RASA3: variants seen among roughly 807,000 people sequenced by gnomAD.
The protein encoded by RASA3 is RAS p21 protein activator 3, also known as ras GTPase-activating protein 3.
A neutral mutation model predicts 110.0 loss-of-function variants in RASA3; 73 were observed. That is an observed-to-expected ratio of 0.66 (90% CI 0.55 to 0.81). The LOEUF (loss-of-function observed/expected upper bound fraction) is 0.81. Among genes scored for constraint, RASA3 ranks in the 30% least tolerant of loss-of-function variants. RASA3 has a pLI of 0.00. For missense variants in RASA3, 976 were observed against 1,113.2 expected (o/e 0.88, Z 1.75); for synonymous variants, 500 against 451.4 (o/e 1.11, Z -1.37).
chr13:114,107,289 C>T (rs1289623313), intron 1 of RASA3, among the ~76,000 whole-genome samples: 2 of 132,304 alleles, frequency 1.5e-5, no homozygotes, highest in Admixed American at 7.5e-5. Flanking sequence ...GTCCCTCCTT[C>T]GTATCCTGAC....
chr13:113,997,201 A>ATTC, intron 20 of RASA3, among the ~76,000 whole-genome samples: 1 of 151,990 alleles, frequency 6.6e-6, no homozygotes, highest in Non-Finnish European at 1.5e-5. Context: ...CCAGCCCAGG[A>ATTC]TTCTTCCTCC....
chr13:114,045,659 G>A (rs2079042021), intron 3 of RASA3, among the ~76,000 whole-genome samples: 1 of 152,230 alleles, frequency 6.6e-6, no homozygotes, highest in Non-Finnish European at 1.5e-5. Flanking sequence ...AAAGCTAATA[G>A]AACTAATTGG....
chr13:114,016,618 C>T (rs1476556152), intron 12 of RASA3, among the ~76,000 whole-genome samples: 1 of 152,214 alleles, frequency 6.6e-6, no homozygotes, highest in Non-Finnish European at 1.5e-5. Context: ...GCGATGTGCG[C>T]CCGCGATCAG....
rs542725957 is a variant in RASA3, at chr13:113,983,980, G to GA, written c.2246-2123dup. 5.0e-5 allele frequency among the ~76,000 whole-genome samples: 5 copies of GA among 99,720 alleles called. 1 individual carries two copies. Among genetic ancestry groups the GA allele is most frequent in the African/African-American group, 1.6e-4 (5 of 31,930 alleles). The allele number at this position is 99,720 out of a possible 152,430, so 65.4% of individuals were successfully genotyped here. On this transcript the variant is annotated intron_variant, in intron 22 of 23. Transcript: ENST00000334062. ...TAAAAAATAAAACTGGCAATAACTA[G>GA]AAAAAAAATCGCAATAAGGAATCTG... is the stretch of plus-strand genomic sequence containing the variant.
intron 3 of RASA3, among the ~76,000 whole-genome samples, chr13:114,049,481 GAACT>G (rs1486202510): frequency 3.5e-4 from 53 of 152,134 alleles, no homozygotes; most frequent in Non-Finnish European, 1.0e-4. Context: ...TATAACTCCA[GAACT>G]AACTTGATCA....
At chr13:114,027,711 G>T in intron 6 of RASA3, 136 bp downstream of exon 6, 2 of 972,896 alleles carry the variant, frequency 2.1e-6, no homozygotes, top group Non-Finnish European at 3.2e-6. Flanking sequence ...GAAAACAAAA[G>T]GAAGTAAAAA....
chr13:114,100,264 C>T (rs962315024), intron 1 of RASA3, among the ~76,000 whole-genome samples: 2 of 151,986 alleles, frequency 1.3e-5, no homozygotes, highest in South Asian at 2.1e-4. Flanking sequence ...CCAGCACCAG[C>T]GGCTGCCCCT....
chr13:114,069,073 G>A (rs2079507657), intron 2 of RASA3, among the ~76,000 whole-genome samples: 1 of 152,236 alleles, frequency 6.6e-6, no homozygotes, highest in Non-Finnish European at 1.5e-5. Flanking sequence ...ACGCAGGGAG[G>A]AGGCGTGGGG....
In RASA3 at chr13:114,098,920, C is replaced by T. The variant is rs562238397; in HGVS notation, c.56-25083G>A. On this transcript the variant is annotated intron_variant, in intron 1 of 23. Coordinates refer to ENST00000334062, the MANE Select transcript of RASA3 (RefSeq NM_007368.4). ...GGCCCCGCAGGCCAGAAGGCAGCAACGCCCACTGATGCCGGACCACAGCAG... is the reference window on the plus strand; with the variant it reads ...GGCCCCGCAGGCCAGAAGGCAGCAATGCCCACTGATGCCGGACCACAGCAG... 4.9e-4 allele frequency among the ~76,000 whole-genome samples: 75 copies of T among 152,222 alleles called. No homozygotes were observed. In the South Asian group the frequency reaches 9.5e-3, roughly 19 times the overall value.
In RASA3 at chr13:114,029,786, G is replaced by T. The variant is rs376883643; in HGVS notation, c.449+25C>A. On this transcript the variant is annotated intron_variant, in intron 5 of 23. Coordinates refer to ENST00000334062, the MANE Select transcript of RASA3 (RefSeq NM_007368.4). ...CAGACATGCCACTCGCTGTGCGCTC[G>T]GTCTCTAGTGAGGACGTGTCTTACC... is the stretch of plus-strand genomic sequence containing the variant. The T allele has an allele frequency of 5.0e-5, 79 of 1,576,920 alleles. No individual in the cohort carries two copies. The African/African-American group carries it at 9.3e-4, about 19-fold the overall frequency.
chr13:114,120,896 C>A (rs189642645), intron 1 of RASA3, among the ~76,000 whole-genome samples: 77 of 152,322 alleles, frequency 5.1e-4, no homozygotes, highest in Admixed American at 3.1e-3. Context: ...CTAAGAGGAT[C>A]AAGATGATTC....
At chr13:113,990,062 G>A (rs1211215784) in intron 22 of RASA3, among the ~76,000 whole-genome samples, 3 of 152,068 alleles carry the variant, frequency 2.0e-5, no homozygotes, top group Non-Finnish European at 2.9e-5. Flanking sequence ...TTGGACGTGT[G>A]TGGCATCTAC....
At chr13:114,019,214 G>A (rs914489365) in intron 9 of RASA3, among the ~76,000 whole-genome samples, 19 of 152,200 alleles carry the variant, frequency 1.2e-4, no homozygotes, top group Non-Finnish European at 4.4e-5. Flanking sequence ...GCACAGAAGT[G>A]GTCAGTGACC....
chr13:114,130,240 C>T (rs573304971), intron 1 of RASA3, among the ~76,000 whole-genome samples: 1 of 152,330 alleles, frequency 6.6e-6, no homozygotes, highest in East Asian at 1.9e-4. Flanking sequence ...AGATACCCCT[C>T]AGGCAGCCAG....
At chr13:113,997,892 G>A (rs528503022) in intron 20 of RASA3, among the ~76,000 whole-genome samples, 131 of 152,278 alleles carry the variant, frequency 8.6e-4, no homozygotes, top group Middle Eastern at 3.4e-3. Context: ...CCTTGCACCC[G>A]GCACATGTGT....
chr13:114,061,713 C>T (rs1474731798), intron 2 of RASA3, among the ~76,000 whole-genome samples: 7 of 151,634 alleles, frequency 4.6e-5, no homozygotes, highest in Non-Finnish European at 8.8e-5. Flanking sequence ...GAAAGAAATA[C>T]GAGCTTTGAA....
intron 1 of RASA3, among the ~76,000 whole-genome samples, chr13:114,118,054 G>A (rs1447848709): frequency 2.0e-5 from 3 of 152,068 alleles, no homozygotes; most frequent in Non-Finnish European, 4.4e-5. Context: ...GTTTAGAAGT[G>A]CCTTAATCTT....
At chr13:114,034,535 C>T (rs1370068754) in intron 4 of RASA3, among the ~76,000 whole-genome samples, 1 of 152,206 alleles carries the variant, frequency 6.6e-6, no homozygotes, top group African/African-American at 2.4e-5. Flanking sequence ...TGCTCCTGTT[C>T]CTGCAGCATG....
rs995591172 is a variant in RASA3, at chr13:114,096,745, A to G, written c.56-22908T>C. Among the ~76,000 whole-genome samples, 3 of 151,628 alleles carry G rather than the reference A, an allele frequency of 2.0e-5. No individual in the cohort carries two copies. The highest frequency in any genetic ancestry group is 4.4e-5 in the Non-Finnish European group (3 of 67,884). On this transcript the variant is annotated intron_variant, in intron 1 of 23. Coordinates refer to ENST00000334062, the MANE Select transcript of RASA3 (RefSeq NM_007368.4). This position sits in a 1 kb window ranked among gnomAD's most constrained non-coding sequence, Gnocchi z 5.1. ...CCCTCCTCGTCCCCCAAAGCACTCA[A>G]CAGCTCTCCAGCACCCACCGAATGA...
Sources: gnomAD v4.1 joint callset for allele counts (sites outside exome capture counted in the v4.1 genomes callset) on GRCh38, gnomAD v4.1.1 for gene constraint, Gnocchi (gnomAD v3.1) non-coding constraint, MANE v1.5 for transcripts, NCBI Gene and HGNC (gene_info 2026-07-23, HGNC 2026-07-21) for gene names.